The following KDM2A variants were observed in gnomAD, a reference collection of about 807,000 sequenced individuals.
KDM2A encodes lysine demethylase 2A, also known as lysine-specific demethylase 2A.
In KDM2A, 3 loss-of-function variants were observed where a neutral mutation model predicts 137.3. The ratio of observed to expected loss-of-function variants is 0.02; its 90% CI spans 0.01 to 0.06. The LOEUF (loss-of-function observed/expected upper bound fraction) is 0.06, where lower values mean the gene tolerates loss of function less well. Ranked by LOEUF, KDM2A falls within the 10% of genes least tolerant of loss-of-function variation. KDM2A has a pLI of 1.00. For missense variants in KDM2A, 738 were observed against 1,510.6 expected (o/e 0.49, Z 8.48); for synonymous variants, 512 against 541.5 (o/e 0.95, Z 0.76).
At chr11:67,223,257 A>G (rs1167191966) in intron 10 of KDM2A, among the ~76,000 whole-genome samples, 1 of 152,044 alleles carries the variant, frequency 6.6e-6, no homozygotes, top group Non-Finnish European at 1.5e-5. Flanking sequence ...GATATGCGGC[A>G]TAAGTAAAAA....
intron 5 of KDM2A, among the ~76,000 whole-genome samples, chr11:67,193,070 A>G (rs1344488140): frequency 1.3e-5 from 2 of 151,936 alleles, no homozygotes; most frequent in East Asian, 1.9e-4. Flanking sequence ...GCTTACTGCA[A>G]CCTCCGCCTC....
intron 2 of KDM2A, among the ~76,000 whole-genome samples, chr11:67,177,547 C>T (rs554207002): frequency 5.0e-4 from 76 of 152,040 alleles, no homozygotes; most frequent in Admixed American, 6.6e-4. Context: ...TATCACAGAG[C>T]GGCATCATTA....
At chr11:67,162,711 T>C (rs1856661657) in intron 2 of KDM2A, among the ~76,000 whole-genome samples, 1 of 151,658 alleles carries the variant, frequency 6.6e-6, no homozygotes, top group Non-Finnish European at 1.5e-5. Context: ...CGGCCTGCGA[T>C]TTTTAGTTTT....
chr11:67,204,329 T>A (rs1857737408), intron 5 of KDM2A, among the ~76,000 whole-genome samples: 1 of 152,096 alleles, frequency 6.6e-6, no homozygotes, highest in Non-Finnish European at 1.5e-5. Flanking sequence ...ACAAACTCCA[T>A]ACCTTTGAGC....
At chr11:67,205,266 G>A (rs1476588695) in intron 5 of KDM2A, among the ~76,000 whole-genome samples, 1 of 152,156 alleles carries the variant, frequency 6.6e-6, no homozygotes, top group South Asian at 2.1e-4. Context: ...AAAATATGAA[G>A]TGTAGGTTCT....
chr11:67,166,409 C>A (rs1856746579), intron 2 of KDM2A, among the ~76,000 whole-genome samples: 1 of 152,052 alleles, frequency 6.6e-6, no homozygotes, highest in Non-Finnish European at 1.5e-5. Flanking sequence ...TGGTCTCGAA[C>A]TCCTGACCTC....
intron 8 of KDM2A, among the ~76,000 whole-genome samples, chr11:67,216,348 T>A (rs537632460): frequency 6.6e-6 from 1 of 152,350 alleles, no homozygotes; most frequent in South Asian, 2.1e-4. Flanking sequence ...CTAAACCAAC[T>A]TTCCCTCTAT....
Position 67,162,289 on chromosome 11 carries a change from T to C in KDM2A, c.43-17790T>C, listed in dbSNP as rs1479194579. The stretch of plus-strand genomic sequence containing the variant: ...TCATAGCAATAAGTGCCAAATAAGG[T>C]CAGGTAAAGTTCATTTAATTCTTAT... On this transcript the variant is annotated intron_variant, in intron 2 of 20. Transcript: ENST00000529006. 3.9e-5 allele frequency among the ~76,000 whole-genome samples: 6 copies of C among 152,272 alleles called. No individual in the cohort carries two copies. The East Asian group carries it at 1.2e-3, about 29-fold the overall frequency.
In KDM2A at chr11:67,215,360, A is replaced by G; in HGVS notation, c.507A>G (p.Val169=). 6.2e-7 allele frequency: 1 copy of G among 1,613,176 alleles called. No individual in the cohort carries two copies. The highest frequency in any genetic ancestry group is 8.5e-7 in the Non-Finnish European group (1 of 1,179,230). Residue 169 remains valine (V), a synonymous_variant, in exon 7 of 21, where the codon GTA becomes GTG. Coordinates refer to ENST00000529006, the MANE Select transcript of KDM2A (RefSeq NM_012308.3). ...TAAAGGTGGATTTCATTGACTGGGT[A>G]GACAACATGTGGCCAAGGCACTTGA... ...RPSTVDFIDW[V]DNMWPRHLKE... is the part of the protein sequence containing the mutation.
chr11:67,228,961 G>A (rs1262380687), intron 11 of KDM2A, among the ~76,000 whole-genome samples: 1 of 152,060 alleles, frequency 6.6e-6, no homozygotes, highest in African/African-American at 2.4e-5. Flanking sequence ...CTGGCTTCAA[G>A]CTGTCCTCCT....
At chr11:67,235,707 C>T (rs1858852329) in intron 12 of KDM2A, among the ~76,000 whole-genome samples, 1 of 151,848 alleles carries the variant, frequency 6.6e-6, no homozygotes, top group Non-Finnish European at 1.5e-5. Context: ...CTGCAGCCTC[C>T]ACCTCCTGGG....
chr11:67,208,696 G>C (rs1282667771), intron 6 of KDM2A, among the ~76,000 whole-genome samples: 2 of 150,244 alleles, frequency 1.3e-5, no homozygotes, highest in South Asian at 4.2e-4. Flanking sequence ...GCTTGAACCT[G>C]GGAGGCAGAG....
At chr11:67,198,082 G>GTAGC (rs1857524243) in intron 5 of KDM2A, among the ~76,000 whole-genome samples, 1 of 152,106 alleles carries the variant, frequency 6.6e-6, no homozygotes. Flanking sequence ...ATGATGAGTA[G>GTAGC]GCTAAGGAGG....
At chr11:67,181,737 T>G in intron 4 of KDM2A, 109 bp from the exon 5 acceptor site, 1 of 815,704 alleles carries the variant, frequency 1.2e-6, no homozygotes. Context: ...TCAAACCTGA[T>G]TGTGAATATT....
At chr11:67,178,265 G>T (rs535777397) in intron 2 of KDM2A, among the ~76,000 whole-genome samples, 21 of 152,212 alleles carry the variant, frequency 1.4e-4, no homozygotes, top group African/African-American at 4.6e-4. Context: ...AATCAGCTGG[G>T]TGTGGTGGTG....
intron 2 of KDM2A, among the ~76,000 whole-genome samples, chr11:67,159,173 T>C (rs1164954051): frequency 6.6e-6 from 1 of 152,212 alleles, no homozygotes; most frequent in African/African-American, 2.4e-5. Context: ...CTATGATCTT[T>C]TTTGAGTTAA....
At chr11:67,122,516 C>T (rs755948634) in intron 2 of KDM2A, among the ~76,000 whole-genome samples, 9 of 151,884 alleles carry the variant, frequency 5.9e-5, no homozygotes, top group Non-Finnish European at 1.0e-4. Context: ...TAGTAGAGAA[C>T]AGGGTTTTAC....
chr11:67,225,330 A>G (rs1055667934), intron 10 of KDM2A, among the ~76,000 whole-genome samples: 12 of 152,180 alleles, frequency 7.9e-5, no homozygotes, highest in African/African-American at 2.9e-4. Context: ...TAGCATTCCT[A>G]TGCGTGATGT....
intron 2 of KDM2A, among the ~76,000 whole-genome samples, chr11:67,134,489 ATTTT>A (rs779515945): frequency 2.6e-5 from 4 of 151,978 alleles, no homozygotes; most frequent in Non-Finnish European, 5.9e-5. Flanking sequence ...TTATAATTTT[ATTTT>A]TTAAAGTTTT....
Sources: gnomAD v4.1 joint callset for allele counts (sites outside exome capture counted in the v4.1 genomes callset) on GRCh38, gnomAD v4.1.1 for gene constraint, MANE v1.5 for transcripts, NCBI Gene and HGNC (gene_info 2026-07-23, HGNC 2026-07-21) for gene names.